The following ZNF783 variants were observed in gnomAD, a reference collection of about 807,000 sequenced individuals.
ZNF783 encodes protein ZNF783.
A neutral mutation model predicts 31.3 loss-of-function variants in ZNF783; 25 were observed. The ratio of observed to expected loss-of-function variants is 0.80; its 90% CI spans 0.58 to 1.11. ZNF783 has a LOEUF of 1.11. ZNF783 is among the 50% of genes most tolerant of loss of function. The probability of loss-of-function intolerance (pLI) is 0.00; values close to 1 mark genes in which losing one functional copy is unlikely to be tolerated. For synonymous variants in ZNF783, 369 were observed against 319.1 expected (o/e 1.16, Z -1.66); for missense variants, 797 against 760.0 (o/e 1.05, Z -0.57).
rs376788301 is a variant in ZNF783, at chr7:149,282,088, C to T, written c.1386C>T (p.Gly462=). 58 of 1,596,488 alleles carry T rather than the reference C, an allele frequency of 3.6e-5. No homozygotes were observed. Among genetic ancestry groups the T allele is most frequent in the Non-Finnish European group, 4.7e-5 (55 of 1,178,816 alleles). The stretch of plus-strand genomic sequence containing the variant: ...ACCAGCGCCTGCACACCGGCAATGG[C>T]CAGGGCTGGCCCGCCTGCCCCTACT... ...LLHQRLHTGN[G]QGWPACPYCG... The change falls in exon 6 of 6, where the codon GGC becomes GGT. Residue 462 remains glycine, a synonymous_variant. Coordinates refer to ENST00000434415, the MANE Select transcript of ZNF783 (RefSeq NM_001195220.2).
Position 149,263,265 on chromosome 7 carries a change from CGTGTGTGTGTGTGTGT to C in ZNF783, c.24+933_24+948del, listed in dbSNP as rs56067256. ...TTAATTAAAAAAGTATATATATATACGTGTGTGTGTGTGTGTGTGTGTGTGTGTGTGTGTGTGTGTA... is the reference window on the plus strand; with the variant it reads ...TTAATTAAAAAAGTATATATATATACGTGTGTGTGTGTGTGTGTGTGTGTA... On this transcript the variant is annotated intron_variant, in intron 1 of 5. Coordinates refer to ENST00000434415, the MANE Select transcript of ZNF783 (RefSeq NM_001195220.2). Among the ~76,000 whole-genome samples, 1,203 of 121,410 alleles carry C rather than the reference CGTGTGTGTGTGTGTGT, an allele frequency of 9.9e-3. 11 individuals carry two copies. The highest frequency in any genetic ancestry group is 0.021 in the Admixed American group (231 of 11,260). 79.6% of individuals were successfully genotyped at this position (121,410 alleles called of 152,430 possible).
chr7:149,276,500 G>T (rs1406122651), intron 4 of ZNF783: 1 of 985,422 alleles, frequency 1.0e-6, no homozygotes, highest in Admixed American at 6.2e-5. Context: ...ACGTAAAGGG[G>T]AATCGGTAGC....
At position 149,267,162 on chromosome 7, in the gene ZNF783, C is replaced by G; in HGVS notation, c.613C>G (p.Arg205Gly). ...IERGEEPCLDRWGQEKGNEVE... is the reference protein window; with the variant it reads ...IERGEEPCLDGWGQEKGNEVE... Reference sequence around the variant, plus strand: ...GAGGGGAGAGGAGCCTTGTCTTGACCGGTGGGGCCAGGAGAAGGGGAATGA... The same window carrying G: ...GAGGGGAGAGGAGCCTTGTCTTGACGGGTGGGGCCAGGAGAAGGGGAATGA... Residue 205 changes from arginine (R) to glycine (G), a missense_variant, in exon 4 of 6, where the codon CGG becomes GGG. Coordinates refer to ENST00000434415, the MANE Select transcript of ZNF783 (RefSeq NM_001195220.2). The G allele has an allele frequency of 6.3e-7, 1 of 1,599,314 alleles. No individual in the cohort carries two copies. Among genetic ancestry groups the G allele is most frequent in the African/African-American group, 1.3e-5 (1 of 74,984 alleles).
chr7:149,275,469 C>G (rs535232471), intron 4 of ZNF783: 1 of 150,474 alleles, frequency 6.6e-6, no homozygotes, highest in Non-Finnish European at 1.5e-5. Context: ...CCCATGACCA[C>G]GCCCGGCTAA....
rs963696408 is a variant in ZNF783 at position 149,262,211 on chromosome 7, G to C, written c.-123G>C. The C allele has an allele frequency of 7.6e-6, 7 of 920,242 alleles. No individual in the cohort carries two copies. Among genetic ancestry groups the C allele is most frequent in the Non-Finnish European group, 1.0e-5 (7 of 698,226 alleles). The allele number at this position is 920,242 out of a possible 1,614,324, so 57.0% of individuals were successfully genotyped here. The stretch of plus-strand genomic sequence containing the variant: ...CACGTGGCTCGGGACGCAGTTCGCT[G>C]CCGCCCGGCAGTAGCTCTCAGGTTA... On this transcript the variant is annotated 5_prime_UTR_variant, in exon 1 of 6. Coordinates refer to ENST00000434415, the MANE Select transcript of ZNF783 (RefSeq NM_001195220.2).
Position 149,282,265 on chromosome 7 carries a change from G to T in ZNF783, c.1563G>T (p.Val521=). The change falls in exon 6 of 6, where the codon GTG becomes GTT. Residue 521 remains valine, a synonymous_variant. Transcript: ENST00000434415. The part of the protein sequence containing the change: ...VHMQTHARGQ[V]GPHFPAAPAR... ...TGCAGACCCACGCCCGAGGCCAGGT[G>T]GGCCCACACTTCCCTGCCGCCCCCG... 6.3e-7 allele frequency: 1 copy of T among 1,592,818 alleles called. No individual in the cohort carries two copies. Among genetic ancestry groups the T allele is most frequent in the Non-Finnish European group, 8.5e-7 (1 of 1,177,658 alleles).
At chr7:149,273,325 A>G (rs545909513) in intron 4 of ZNF783, among the ~76,000 whole-genome samples, 119 of 152,284 alleles carry the variant, frequency 7.8e-4, no homozygotes, top group African/African-American at 2.7e-3. Context: ...AGGCACCTCC[A>G]TACTGTTCTC....
At chr7:149,278,275 C>A in intron 4 of ZNF783, 124 bp from the exon 5 acceptor site, 1 of 1,494,576 alleles carries the variant, frequency 6.7e-7, no homozygotes, top group Non-Finnish European at 8.9e-7. Context: ...ACCTCACTAT[C>A]ATGCCCTGTG....
chr7:149,266,556 G>C lies in ZNF783; in HGVS notation c.246G>C (p.Glu82Asp). 6.2e-7 allele frequency: 1 copy of C among 1,614,240 alleles called. No homozygotes were observed. Among genetic ancestry groups the C allele is most frequent in the South Asian group, 1.1e-5 (1 of 91,088 alleles). Residue 82 changes from glutamate (E) to aspartate (D), a missense_variant, in exon 2 of 6, where the codon GAG (glutamate) becomes GAC (aspartate). Physicochemically the swap from Glu to Asp is conservative, Grantham distance 45. Transcript: ENST00000434415. Reference sequence around the variant, plus strand: ...CCGAGAAGAAGCTGGCCGACTGCGAGAAGACAGCTGTGGAGTTCGGGAACC... The same window carrying C: ...CCGAGAAGAAGCTGGCCGACTGCGACAAGACAGCTGTGGAGTTCGGGAACC... ...GTAEKKLADC[E>D]KTAVEFGNQL... is the part of the protein sequence containing the mutation.
At chr7:149,268,626 A>G (rs1456730800) in intron 4 of ZNF783, among the ~76,000 whole-genome samples, 2 of 152,160 alleles carry the variant, frequency 1.3e-5, no homozygotes, top group African/African-American at 4.8e-5. Context: ...AGTAGTCCAC[A>G]GTGTCTATTT....
Position 149,266,953 on chromosome 7 carries a change from C to A in ZNF783, c.547+8C>A. On this transcript the variant is annotated splice_region_variant and intron_variant, in intron 3 of 5. Coordinates refer to ENST00000434415, the MANE Select transcript of ZNF783 (RefSeq NM_001195220.2). The stretch of plus-strand genomic sequence containing the variant: ...AGACGCTGGTCTCCCTGGGTAAGGC[C>A]ACGGAGGGAGGATCTGGGCCTCTGT... The A allele has an allele frequency of 6.2e-7, 1 of 1,613,974 alleles. No individual in the cohort carries two copies. Among genetic ancestry groups the A allele is most frequent in the African/African-American group, 1.3e-5 (1 of 74,980 alleles).
At chr7:149,262,554 G>A (rs1160775838) in intron 1 of ZNF783, among the ~76,000 whole-genome samples, 197 bp downstream of exon 1, 1 of 152,338 alleles carries the variant, frequency 6.6e-6, no homozygotes, top group East Asian at 1.9e-4. Flanking sequence ...CCCGGCGGGC[G>A]GGGCCCCGAC....
At chr7:149,265,422 C>T (rs1273688599) in intron 1 of ZNF783, among the ~76,000 whole-genome samples, 1 of 152,232 alleles carries the variant, frequency 6.6e-6, no homozygotes, top group Non-Finnish European at 1.5e-5. Context: ...TAATCACTGT[C>T]ATTGTCTCAG....
chr7:149,269,976 C>T (rs909481362), intron 4 of ZNF783, among the ~76,000 whole-genome samples: 5 of 152,026 alleles, frequency 3.3e-5, no homozygotes, highest in African/African-American at 4.8e-5. Flanking sequence ...CAGCTTCATC[C>T]GTGTCCCTAC....
rs76708141 is a variant in ZNF783, at chr7:149,271,561, C to T, written c.673+4339C>T. On this transcript the variant is annotated intron_variant, in intron 4 of 5. Coordinates refer to ENST00000434415, the MANE Select transcript of ZNF783 (RefSeq NM_001195220.2). ...CACCAGCTTGGTATACAGTTGCATTCATTTGTGTATTTTTAGATTTTTTAT... is the reference window on the plus strand; with the variant it reads ...CACCAGCTTGGTATACAGTTGCATTTATTTGTGTATTTTTAGATTTTTTAT... Among the ~76,000 whole-genome samples the T allele has an allele frequency of 3.0e-4, 46 of 152,202 alleles. No individual in the cohort carries two copies. In the East Asian group the frequency reaches 8.5e-3, roughly 28 times the overall value.
At chr7:149,278,837 C>A (rs1797392611) in intron 5 of ZNF783, among the ~76,000 whole-genome samples, 1 of 152,076 alleles carries the variant, frequency 6.6e-6, no homozygotes, top group African/African-American at 2.4e-5. Context: ...GTTGTGCCTG[C>A]CCAGGGTCTT....
Position 149,265,860 on chromosome 7 carries a change from C to A in ZNF783, c.25-475C>A, listed in dbSNP as rs534409694. Among the ~76,000 whole-genome samples, 5 of 152,334 alleles carry A rather than the reference C, an allele frequency of 3.3e-5. No homozygotes were observed. In the East Asian group the frequency reaches 9.6e-4, roughly 29 times the overall value. The stretch of plus-strand genomic sequence containing the variant: ...CTAGATAGGGAAGGGAAGTTGGAAG[C>A]TGTTGAAAACACCTTGCCCACAGTT... On this transcript the variant is annotated intron_variant, in intron 1 of 5. Transcript: ENST00000434415.
chr7:149,276,280 C>T (rs111437102), intron 4 of ZNF783: 15,229 of 916,094 alleles, frequency 0.017, 185 homozygotes, highest in African/African-American at 0.053. Context: ...GAGGCTTCAT[C>T]CTGCTCAGTC....
At chr7:149,278,600 G>T in intron 5 of ZNF783, 73 bp downstream of exon 5, 2 of 1,584,706 alleles carry the variant, frequency 1.3e-6, no homozygotes, top group Non-Finnish European at 8.5e-7. Context: ...CGATGGTGCT[G>T]AGGAAAAGCC....
Sources: gnomAD v4.1 joint callset for allele counts (sites outside exome capture counted in the v4.1 genomes callset) on GRCh38, gnomAD v4.1.1 for gene constraint, MANE v1.5 for transcripts, NCBI Gene and HGNC (gene_info 2026-07-23, HGNC 2026-07-21) for gene names.